The following P3H2 variants were observed in gnomAD, a reference collection of about 807,000 sequenced individuals.
P3H2 encodes the protein leprecan-like 1.
In P3H2, 80 loss-of-function variants were observed where a neutral mutation model predicts 87.0. The ratio of observed to expected loss-of-function variants is 0.92; its 90% CI spans 0.77 to 1.11. The LOEUF (loss-of-function observed/expected upper bound fraction) is 1.11, where lower values mean the gene tolerates loss of function less well. Among genes scored for constraint, P3H2 ranks in the 50% least tolerant of loss-of-function variants. The pLI, the probability that P3H2 is intolerant of heterozygous loss-of-function variation, is 0.00. For missense variants in P3H2, 1,001 were observed against 923.9 expected (o/e 1.08, Z -1.08); for synonymous variants, 367 against 359.3 (o/e 1.02, Z -0.24).
chr3:189,957,970 A>C lies in P3H2; in HGVS notation c.2069T>G (p.Leu690Arg), dbSNP rs763044914. Residue 690 changes from leucine to arginine, a missense_variant, in exon 15 of 15, where the codon CTG becomes CGG. Coordinates refer to ENST00000319332, the MANE Select transcript of P3H2 (RefSeq NM_018192.4). Reference sequence around the variant, plus strand: ...ATGCTTCCCTTGCTGTTCTTGATCCAGAATTGCAATCACTTCATCAGCCTG... The same window carrying C: ...ATGCTTCCCTTGCTGTTCTTGATCCCGAATTGCAATCACTTCATCAGCCTG... ...RIQADEVIAILDQEQQGKHEL... is the reference protein window; with the variant it reads ...RIQADEVIAIRDQEQQGKHEL... 6.2e-7 allele frequency: 1 copy of C among 1,613,998 alleles called. No individual in the cohort carries two copies. Among genetic ancestry groups the C allele is most frequent in the Non-Finnish European group, 8.5e-7 (1 of 1,179,838 alleles).
At chr3:189,990,033 T>A (rs188106671) in intron 3 of P3H2, among the ~76,000 whole-genome samples, 1 of 152,034 alleles carries the variant, frequency 6.6e-6, no homozygotes, top group African/African-American at 2.4e-5. Flanking sequence ...TTTGATCTCA[T>A]AGCTGTGCAA....
chr3:190,099,408 CG>C (rs1203130324), intron 1 of P3H2, among the ~76,000 whole-genome samples: 2 of 152,150 alleles, frequency 1.3e-5, no homozygotes, highest in Non-Finnish European at 2.9e-5. Flanking sequence ...ACTTGGACAA[CG>C]GGTATATATG....
At chr3:190,080,437 G>A (rs1432979401) in intron 1 of P3H2, among the ~76,000 whole-genome samples, 1 of 151,748 alleles carries the variant, frequency 6.6e-6, no homozygotes, top group Admixed American at 6.6e-5. Flanking sequence ...TGCTCTTGTT[G>A]GCCAGGCTGG....
chr3:190,093,649 A>G (rs1464253168), intron 1 of P3H2, among the ~76,000 whole-genome samples: 1 of 152,108 alleles, frequency 6.6e-6, no homozygotes, highest in East Asian at 1.9e-4. Context: ...GAAGAGAGAG[A>G]GTAGATGGCA....
rs563321445 is a variant in P3H2, at chr3:190,064,976, C to T, written c.480+55276G>A. ...ATCTTCTAGGAAAAGCCTGTTGTTG[C>T]GTAAAGAGTTTGGGCTCTTGGTTTC... On this transcript the variant is annotated intron_variant, in intron 1 of 14. Coordinates refer to ENST00000319332, the MANE Select transcript of P3H2 (RefSeq NM_018192.4). Among the ~76,000 whole-genome samples, 29 of 152,212 alleles carry T rather than the reference C, an allele frequency of 1.9e-4. No homozygotes were observed. The South Asian group carries it at 5.2e-3, about 27-fold the overall frequency.
chr3:190,053,472 T>A (rs7355977), intron 1 of P3H2, among the ~76,000 whole-genome samples: 2 of 149,040 alleles, frequency 1.3e-5, no homozygotes, highest in Admixed American at 6.7e-5. Flanking sequence ...TTTTTTGAGA[T>A]GGAGTTCCAC....
intron 1 of P3H2, among the ~76,000 whole-genome samples, chr3:190,004,673 C>T (rs900046481): frequency 1.3e-5 from 2 of 152,154 alleles, no homozygotes; most frequent in East Asian, 1.9e-4. Flanking sequence ...TGAGCCACCG[C>T]GCCTGGCCAC....
intron 1 of P3H2, among the ~76,000 whole-genome samples, chr3:190,113,463 G>C (rs576859334): frequency 6.7e-6 from 1 of 149,586 alleles, no homozygotes; most frequent in African/African-American, 2.6e-5. Context: ...TAGTTGACTT[G>C]AAGGTGTTCT....
At position 190,020,444 on chromosome 3, in the gene P3H2, T is replaced by C. The variant is rs1724899567; in HGVS notation, c.481-25002A>G. On this transcript the variant is annotated intron_variant, in intron 1 of 14. Transcript: ENST00000319332. The stretch of plus-strand genomic sequence containing the variant: ...CTTCTTTTTAAAAAAATAAAGCAGC[T>C]TACTGGATTCCCAAATATAGTATTA... Among the ~76,000 whole-genome samples the C allele has an allele frequency of 1.5e-5, 2 of 134,874 alleles. 1 individual carries two copies. Among genetic ancestry groups the C allele is most frequent in the Admixed American group, 1.5e-4 (2 of 13,230 alleles). The allele number at this position is 134,874 out of a possible 152,430, so 88.5% of individuals were successfully genotyped here. A position where few individuals can be genotyped will look rare whatever the true frequency, so the allele number is the denominator to read the frequency against.
intron 1 of P3H2, among the ~76,000 whole-genome samples, chr3:190,037,140 C>G (rs534359986): frequency 1.3e-5 from 2 of 151,768 alleles, no homozygotes; most frequent in African/African-American, 2.4e-5. Context: ...GATTATCTGC[C>G]CATTTCATAT....
chr3:190,073,194 C>A (rs1338445187), intron 1 of P3H2, among the ~76,000 whole-genome samples: 1 of 152,160 alleles, frequency 6.6e-6, no homozygotes, highest in Non-Finnish European at 1.5e-5. Flanking sequence ...CTTGTGATTT[C>A]TAATCAATGT....
chr3:190,081,530 A>G (rs565965863), intron 1 of P3H2, among the ~76,000 whole-genome samples: 2 of 152,370 alleles, frequency 1.3e-5, no homozygotes, highest in South Asian at 4.1e-4. Context: ...TGTTTCAAGA[A>G]AATGAGTCTG....
chr3:190,100,086 T>C (rs1472807364), intron 1 of P3H2, among the ~76,000 whole-genome samples: 1 of 151,956 alleles, frequency 6.6e-6, no homozygotes, highest in Non-Finnish European at 1.5e-5. Flanking sequence ...ATATAAAAAT[T>C]AGCCAGGTGC....
chr3:190,016,596 G>A (rs563813229), intron 1 of P3H2, among the ~76,000 whole-genome samples: 8 of 152,314 alleles, frequency 5.3e-5, no homozygotes, highest in African/African-American at 1.9e-4. Flanking sequence ...AATGCCAATT[G>A]TGATCTAAAC....
chr3:190,039,535 C>A (rs1389357277), intron 1 of P3H2, among the ~76,000 whole-genome samples: 3 of 152,140 alleles, frequency 2.0e-5, no homozygotes, highest in African/African-American at 7.2e-5. Flanking sequence ...AACCGTTGAA[C>A]CTTTTATTTA....
intron 1 of P3H2, among the ~76,000 whole-genome samples, chr3:190,043,591 GTA>G (rs1725709220): frequency 6.6e-6 from 1 of 152,306 alleles, no homozygotes; most frequent in East Asian, 1.9e-4. Context: ...AACAGGAATT[GTA>G]TATAGTTAAT....
At chr3:189,988,445 C>T (rs531710263) in intron 4 of P3H2, among the ~76,000 whole-genome samples, 1 of 151,980 alleles carries the variant, frequency 6.6e-6, no homozygotes, top group Admixed American at 6.6e-5. Context: ...CACACACACA[C>T]ACATATATAT....
chr3:190,012,268 T>C (rs1420156013), intron 1 of P3H2, among the ~76,000 whole-genome samples: 1 of 149,314 alleles, frequency 6.7e-6, no homozygotes, highest in Non-Finnish European at 1.5e-5. Context: ...CATATTTAAA[T>C]GTACAAAGGA....
In P3H2 at chr3:189,987,575, C is replaced by G; in HGVS notation, c.1050G>C (p.Glu350Asp). 1.2e-6 allele frequency: 2 copies of G among 1,614,022 alleles called. No homozygotes were observed. Among genetic ancestry groups the G allele is most frequent in the Non-Finnish European group, 8.5e-7 (1 of 1,179,968 alleles). ...GGTCAATGCTATCATCCAGCAGACT[C>G]TCATAGTAATCCACATTGTCTAGGA... ...EDVLDNVDYY[E>D]SLLDDSIDPA... The change falls in exon 5 of 15, where the codon GAG (glutamate) becomes GAC (aspartate). Residue 350 changes from glutamate to aspartate, a missense_variant. Coordinates refer to ENST00000319332, the MANE Select transcript of P3H2 (RefSeq NM_018192.4).
Sources: gnomAD v4.1 joint callset for allele counts (sites outside exome capture counted in the v4.1 genomes callset) on GRCh38, gnomAD v4.1.1 for gene constraint, MANE v1.5 for transcripts, NCBI Gene and HGNC (gene_info 2026-07-23, HGNC 2026-07-21) for gene names.